MSI2: variants seen among roughly 807,000 people sequenced by gnomAD.
MSI2 encodes RNA-binding protein Musashi homolog 2.
Under a neutral mutation model 45.6 loss-of-function variants are expected in MSI2, and 17 were observed. The ratio of observed to expected loss-of-function variants is 0.37; its 90% confidence interval spans 0.26 to 0.56. The LOEUF (loss-of-function observed/expected upper bound fraction) is 0.56. Ranked by LOEUF, MSI2 falls within the 20% of genes least tolerant of loss-of-function variation. The probability of loss-of-function intolerance (pLI) is 0.77; values close to 1 mark genes in which losing one functional copy is unlikely to be tolerated. For missense variants in MSI2, 293 were observed against 444.2 expected, an observed-to-expected ratio of 0.66 and a Z score of 3.06; for synonymous variants, 156 against 158.2, an observed-to-expected ratio of 0.99 and a Z score of 0.11.
Position 57,652,011 on chromosome 17 carries a change from C to G in MSI2, c.728-88C>G. 2 of 1,205,472 alleles carry G rather than the reference C, an allele frequency of 1.7e-6. No individual in the cohort carries two copies. Among genetic ancestry groups the G allele is most frequent in the Admixed American group, 1.7e-5 (1 of 58,858 alleles). 74.7% of individuals were successfully genotyped at this position (1,205,472 alleles called of 1,614,324 possible). A position where few individuals can be genotyped will look rare whatever the true frequency, so the allele number is the denominator to read the frequency against. ...CCCACTCCTGTCTTTGTGTGGAGGG[C>G]GGGGGGTTGTGTGGCCCGTGACCTA... is the stretch of plus-strand genomic sequence containing the variant. On this transcript the variant is annotated intron_variant, in intron 10 of 13. Coordinates refer to ENST00000284073, the MANE Select transcript of MSI2 (RefSeq NM_138962.4). The surrounding 1 kb of genome is among the most constrained non-coding windows in gnomAD (Gnocchi z 4.1).
intron 7 of MSI2, among the ~76,000 whole-genome samples, chr17:57,549,081 C>T (rs928424720): frequency 6.6e-5 from 10 of 152,174 alleles, no homozygotes; most frequent in African/African-American, 2.4e-4. Context: ...CACTATGTTG[C>T]CCAGGCTGGT....
chr17:57,588,070 C>G (rs1315211621), intron 7 of MSI2, among the ~76,000 whole-genome samples: 1 of 152,064 alleles, frequency 6.6e-6, no homozygotes, highest in Non-Finnish European at 1.5e-5. Flanking sequence ...AGGGCCAGTT[C>G]AGAAGGGACC....
chr17:57,494,981 A>G (rs552090734), intron 6 of MSI2, among the ~76,000 whole-genome samples: 33 of 152,336 alleles, frequency 2.2e-4, no homozygotes, highest in African/African-American at 7.9e-4. Flanking sequence ...CTTAAAAAAA[A>G]CAACAGTGGA....
At chr17:57,320,919 G>T (rs1234312267) in intron 5 of MSI2, among the ~76,000 whole-genome samples, 1 of 152,028 alleles carries the variant, frequency 6.6e-6, no homozygotes, top group Non-Finnish European at 1.5e-5. Flanking sequence ...TTGTCCTCCT[G>T]CAGCCTGCTC....
chr17:57,562,794 T>C (rs1448522381), intron 7 of MSI2, among the ~76,000 whole-genome samples: 1 of 152,094 alleles, frequency 6.6e-6, no homozygotes, highest in Non-Finnish European at 1.5e-5. Flanking sequence ...TATTTTTTTT[T>C]CCTTTTTTAA....
chr17:57,664,447 G>A (rs977076527), intron 11 of MSI2, among the ~76,000 whole-genome samples: 5 of 152,160 alleles, frequency 3.3e-5, no homozygotes, highest in African/African-American at 1.2e-4. Flanking sequence ...GAACCCGGGA[G>A]GCCCAGGTTG....
the MSI2 span, among the ~76,000 whole-genome samples, chr17:57,698,773 A>G: frequency 2.0e-5 from 3 of 152,100 alleles, no homozygotes; most frequent in Admixed American, 1.3e-4. Flanking sequence ...TTCAAAATTC[A>G]AAAGATACAA....
At chr17:57,693,530 C>CT in the MSI2 span, among the ~76,000 whole-genome samples, 1 of 152,222 alleles carries the variant, frequency 6.6e-6, no homozygotes, top group African/African-American at 2.4e-5. Flanking sequence ...GTCTCTGTCA[C>CT]TTTTTTCTCC....
chr17:57,664,423 C>T (rs1310105893), intron 11 of MSI2, among the ~76,000 whole-genome samples: 1 of 152,000 alleles, frequency 6.6e-6, no homozygotes, highest in Non-Finnish European at 1.5e-5. Flanking sequence ...GAGACTGAGG[C>T]AGGAGAATTA....
intron 6 of MSI2, among the ~76,000 whole-genome samples, chr17:57,442,694 G>A (rs2084822426): frequency 6.6e-6 from 1 of 152,178 alleles, no homozygotes; most frequent in Admixed American, 6.5e-5. Flanking sequence ...ACCCTGGAAT[G>A]CCCAGAGAAC....
chr17:57,299,260 G>A (rs556703684), intron 5 of MSI2, among the ~76,000 whole-genome samples: 60 of 152,278 alleles, frequency 3.9e-4, no homozygotes, highest in Admixed American at 1.1e-3. Context: ...CTTTCTTATC[G>A]TTCATGTGTT....
intron 5 of MSI2, among the ~76,000 whole-genome samples, chr17:57,347,842 G>GT (rs1161232534): frequency 6.6e-6 from 1 of 152,178 alleles, no homozygotes; most frequent in Admixed American, 6.5e-5. Context: ...GGGTTTCCAC[G>GT]TATCTGACCA....
chr17:57,381,225 C>G (rs977849918), intron 5 of MSI2, among the ~76,000 whole-genome samples: 1 of 152,022 alleles, frequency 6.6e-6, no homozygotes, highest in African/African-American at 2.4e-5. Flanking sequence ...ACCACCACAC[C>G]TGGCTAATTT....
rs150449841 is a variant in MSI2, at chr17:57,648,059, T to C, written c.728-4040T>C. ...CTCACTGCAACCTCCACCTTCCAGG[T>C]TCAAGTGATTCTCCTGCCTCAGCCT... On this transcript the variant is annotated intron_variant, in intron 10 of 13. Coordinates refer to ENST00000284073, the MANE Select transcript of MSI2 (RefSeq NM_138962.4). Among the ~76,000 whole-genome samples the C allele has an allele frequency of 9.2e-4, 140 of 151,830 alleles. 1 individual carries two copies. The highest frequency in any genetic ancestry group is 1.7e-3 in the Non-Finnish European group (115 of 67,940).
At chr17:57,338,344 C>T (rs1483507342) in intron 5 of MSI2, among the ~76,000 whole-genome samples, 1 of 152,158 alleles carries the variant, frequency 6.6e-6, no homozygotes, top group Non-Finnish European at 1.5e-5. Flanking sequence ...CCCACCTTGG[C>T]CCCCCGAAGT....
In MSI2 at chr17:57,676,650, G is replaced by A. The variant is rs112107277; in HGVS notation, c.946-337G>A. 5.0e-3 allele frequency among the ~76,000 whole-genome samples: 757 copies of A among 152,308 alleles called. 6 individuals carry two copies. The highest frequency in any genetic ancestry group is 0.017 in the African/African-American group (713 of 41,554). On this transcript the variant is annotated intron_variant, in intron 12 of 13. Transcript: ENST00000284073. ...CCCCAGCTAGAGCCGTTGGGACTGC[G>A]GACAGAGACTTATCTTTGCACTCTG...
chr17:57,299,881 T>A (rs781230034), intron 5 of MSI2, among the ~76,000 whole-genome samples: 1 of 152,212 alleles, frequency 6.6e-6, no homozygotes, highest in Admixed American at 6.5e-5. Context: ...AAATGAGGTG[T>A]GCCTGCCTTT....
In MSI2 at chr17:57,496,604, C is replaced by T. The variant is rs910836565; in HGVS notation, c.406-33072C>T. On this transcript the variant is annotated intron_variant, in intron 6 of 13. Coordinates refer to ENST00000284073, the MANE Select transcript of MSI2 (RefSeq NM_138962.4). ...CTGCAAATAGGTGCACTCAGGTAAA[C>T]CACATCCCCGTGTGCTCCGGGAGGA... Among the ~76,000 whole-genome samples, 8 of 152,334 alleles carry T rather than the reference C, an allele frequency of 5.3e-5. No homozygotes were observed. The South Asian group carries it at 1.2e-3, about 24-fold the overall frequency.
intron 7 of MSI2, among the ~76,000 whole-genome samples, chr17:57,572,228 G>A (rs998232137): frequency 3.3e-5 from 5 of 152,224 alleles, no homozygotes; most frequent in Admixed American, 3.3e-4. Context: ...GGTTTAATCA[G>A]CAAAGCTATT....
Sources: gnomAD v4.1 joint callset for allele counts (sites outside exome capture counted in the v4.1 genomes callset) on GRCh38, gnomAD v4.1.1 for gene constraint, Gnocchi (gnomAD v3.1) non-coding constraint, MANE v1.5 for transcripts, NCBI Gene and HGNC (gene_info 2026-07-23, HGNC 2026-07-21) for gene names.